The following EXTL3 variants were observed in gnomAD, a reference collection of about 807,000 sequenced individuals.
EXTL3 encodes exostosin like glycosyltransferase 3, also known as exostosin-like 3.
In EXTL3, 27 loss-of-function variants were observed where a neutral mutation model predicts 69.3. The ratio of observed to expected loss-of-function variants is 0.39; its 90% confidence interval spans 0.29 to 0.54. The LOEUF (loss-of-function observed/expected upper bound fraction) is 0.54. EXTL3 is among the 20% of genes least tolerant of loss of function. The probability of loss-of-function intolerance (pLI) is 0.69; values close to 1 mark genes in which losing one functional copy is unlikely to be tolerated. For missense variants in EXTL3, 1,003 were observed against 1,231.8 expected (o/e 0.81, Z 2.78); for synonymous variants, 511 against 499.4 (o/e 1.02, Z -0.31).
At chr8:28,704,060 T>G (rs924860624) in intron 1 of EXTL3, among the ~76,000 whole-genome samples, 2 of 152,354 alleles carry the variant, frequency 1.3e-5, no homozygotes, top group East Asian at 3.9e-4. Context: ...TGCACAGTCC[T>G]TTTAAATTTT....
At chr8:28,661,556 G>A (rs1807115932) in intron 1 of EXTL3, among the ~76,000 whole-genome samples, 2 of 151,900 alleles carry the variant, frequency 1.3e-5, no homozygotes, top group African/African-American at 4.8e-5. Flanking sequence ...GTATACATAT[G>A]TATTGATATT....
rs1359807596 is a variant in EXTL3, at chr8:28,716,918, C to T, written c.859C>T (p.Leu287Phe). ...NLSRKSDTQN[L>F]LYNVSTGRAM... ...GTCACGTAAGTCAGATACACAGAAC[C>T]TTCTCTATAACGTCAGTACTGGCCG... The change falls in exon 3 of 7, where the codon CTT becomes TTT. Residue 287 changes from leucine to phenylalanine, a missense_variant. Coordinates refer to ENST00000220562, the MANE Select transcript of EXTL3 (RefSeq NM_001440.4). The surrounding 1 kb of genome is among the most constrained non-coding windows in gnomAD (Gnocchi z 7.1). The T allele has an allele frequency of 1.2e-6, 2 of 1,614,220 alleles. No individual in the cohort carries two copies. Among genetic ancestry groups the T allele is most frequent in the Non-Finnish European group, 1.7e-6 (2 of 1,180,046 alleles).
intron 1 of EXTL3, chr8:28,637,338 C>T (rs543119313): frequency 9.2e-5 from 14 of 152,386 alleles, no homozygotes; most frequent in African/African-American, 3.4e-4. Context: ...ACCTCCCAGG[C>T]TCCCATCACT....
rs1040073259 is a variant in EXTL3 at position 28,725,954 on chromosome 8, GTT to G, written c.2149-5253_2149-5252del. On this transcript the variant is annotated intron_variant, in intron 3 of 6. Transcript: ENST00000220562. Reference sequence around the variant, plus strand: ...GATCTGTGAGTCTGCATTTAGAAGTGTTTTTTTTTTTTTTTTTCCGAGATGGA... The same window carrying G: ...GATCTGTGAGTCTGCATTTAGAAGTGTTTTTTTTTTTTTTTCCGAGATGGA... Among the ~76,000 whole-genome samples, 582 of 133,094 alleles carry G rather than the reference GTT, an allele frequency of 4.4e-3. 6 individuals are homozygous for G. The highest frequency in any genetic ancestry group is 0.015 in the African/African-American group (549 of 36,722). 87.3% of individuals were successfully genotyped at this position (133,094 alleles called of 152,430 possible). A position where few individuals can be genotyped will look rare whatever the true frequency, so the allele number is the denominator to read the frequency against.
At chr8:28,652,151 A>G (rs1806934048) in intron 1 of EXTL3, among the ~76,000 whole-genome samples, 1 of 151,988 alleles carries the variant, frequency 6.6e-6, no homozygotes, top group Admixed American at 6.6e-5. Flanking sequence ...CTCAATGAAC[A>G]TTGGTGTGCA....
intron 5 of EXTL3, chr8:28,742,240 ATTTAT>A (rs1417499054): frequency 1.3e-5 from 2 of 152,300 alleles, no homozygotes; most frequent in South Asian, 2.1e-4. Flanking sequence ...TATAATTTTA[ATTTAT>A]TTAATTTGAA....
At chr8:28,691,550 T>C (rs1203596383) in intron 1 of EXTL3, among the ~76,000 whole-genome samples, 1 of 149,692 alleles carries the variant, frequency 6.7e-6, no homozygotes, top group East Asian at 2.0e-4. Flanking sequence ...ACAGAGTTGG[T>C]AAATATTTAT....
chr8:28,720,976 C>A (rs1202322742), intron 3 of EXTL3, among the ~76,000 whole-genome samples: 1 of 152,204 alleles, frequency 6.6e-6, no homozygotes, highest in Non-Finnish European at 1.5e-5. Context: ...AAAGATGTTC[C>A]ACTGTTTCCA....
chr8:28,673,975 G>A (rs1267248704), intron 1 of EXTL3, among the ~76,000 whole-genome samples: 5 of 152,200 alleles, frequency 3.3e-5, no homozygotes, highest in South Asian at 2.1e-4. Flanking sequence ...AGTCCATAAC[G>A]TGAGCTGTTT....
At position 28,676,412 on chromosome 8, in the gene EXTL3, G is replaced by A. The variant is rs527508303; in HGVS notation, c.-52-37045G>A. On this transcript the variant is annotated intron_variant, in intron 1 of 6. Transcript: ENST00000523149. Reference sequence around the variant, plus strand: ...GTAGCTGGATCCCAGGGTGGCAGGCGCCAAGGGGGTGGCAAAGCTGTCACA... The same window carrying A: ...GTAGCTGGATCCCAGGGTGGCAGGCACCAAGGGGGTGGCAAAGCTGTCACA... Among the ~76,000 whole-genome samples the A allele has an allele frequency of 1.3e-3, 192 of 152,270 alleles. 1 individual carries two copies. The highest frequency in any genetic ancestry group is 3.8e-3 in the African/African-American group (157 of 41,544).
At chr8:28,745,861 G>T (rs1475644636) in intron 6 of EXTL3, among the ~76,000 whole-genome samples, 1 of 152,166 alleles carries the variant, frequency 6.6e-6, no homozygotes, top group East Asian at 1.9e-4. Context: ...TTCTTACCAA[G>T]TGAAAACTTC....
rs577528573 is a variant in EXTL3 at position 28,731,284 on chromosome 8, C to T, written c.2210C>T (p.Thr737Ile). 1 of 1,614,192 alleles carries T rather than the reference C, an allele frequency of 6.2e-7. No homozygotes were observed. Among genetic ancestry groups the T allele is most frequent in the South Asian group, 1.1e-5 (1 of 91,088 alleles). Residue 737 changes from threonine to isoleucine, a missense_variant, in exon 4 of 7, where the codon ACA becomes ATA. Coordinates refer to ENST00000220562, the MANE Select transcript of EXTL3 (RefSeq NM_001440.4). Reference sequence around the variant, plus strand: ...TTCTTACCCTGGAATGAAATTGAGACAGAGGCCATCCTGTCCATTGATGAC... The same window carrying T: ...TTCTTACCCTGGAATGAAATTGAGATAGAGGCCATCCTGTCCATTGATGAC... ...NRFLPWNEIE[T>I]EAILSIDDDA...
chr8:28,733,326 A>C (rs1375713474), intron 4 of EXTL3, among the ~76,000 whole-genome samples: 2 of 151,996 alleles, frequency 1.3e-5, no homozygotes, highest in Admixed American at 1.3e-4. Context: ...CATTTTCAAA[A>C]TTTATAGCCG....
rs767241080 is a variant in EXTL3 at position 28,743,122 on chromosome 8, G to A, written c.2458G>A (p.Ala820Thr). Residue 820 changes from alanine to threonine, a missense_variant, in exon 6 of 7, where the codon GCC becomes ACC. Around this residue, in one of 2 missense-constraint regions of EXTL3, gnomAD observed 261 missense variants for 416.4 expected, o/e 0.63. Coordinates refer to ENST00000220562, the MANE Select transcript of EXTL3 (RefSeq NM_001440.4). ...CCTGTATTCTTATGTGATGCCCCAGGCCATCCGGGACATGGTGGATGAATA... is the reference window on the plus strand; with the variant it reads ...CCTGTATTCTTATGTGATGCCCCAGACCATCCGGGACATGGTGGATGAATA... The part of the protein sequence containing the change: ...AYLYSYVMPQ[A>T]IRDMVDEYIN... 62 of 1,613,984 alleles carry A rather than the reference G, an allele frequency of 3.8e-5. No homozygotes were observed. The highest frequency in any genetic ancestry group is 5.0e-5 in the Non-Finnish European group (59 of 1,179,940).
upstream of EXTL3, among the ~76,000 whole-genome samples, chr8:28,619,812 C>T (rs568552441): frequency 5.8e-5 from 8 of 139,006 alleles, no homozygotes; most frequent in Non-Finnish European, 9.1e-5. Context: ...AGCTGTCATC[C>T]GTATCCGTAC....
intron 1 of EXTL3, among the ~76,000 whole-genome samples, chr8:28,676,482 C>T (rs1306651464): frequency 6.6e-6 from 1 of 152,110 alleles, no homozygotes; most frequent in East Asian, 1.9e-4. Context: ...TTAGGAGATA[C>T]TAAGTTGGTT....
intron 1 of EXTL3, among the ~76,000 whole-genome samples, chr8:28,672,404 C>G (rs1185232482): frequency 9.4e-6 from 1 of 106,048 alleles, no homozygotes; most frequent in Non-Finnish European, 1.7e-5. Flanking sequence ...GGCAACCGAG[C>G]GAGACTCCTT....
At chr8:28,646,097 A>G (rs1642552093) in intron 1 of EXTL3, among the ~76,000 whole-genome samples, 1 of 152,168 alleles carries the variant, frequency 6.6e-6, no homozygotes, top group African/African-American at 2.4e-5. Context: ...CCTGGGCTCA[A>G]GCGATCTACC....
intron 1 of EXTL3, among the ~76,000 whole-genome samples, chr8:28,669,229 T>G (rs1354616164): frequency 1.3e-5 from 2 of 152,212 alleles, no homozygotes; most frequent in African/African-American, 4.8e-5. Flanking sequence ...TTTCTTGGTC[T>G]TCTTCAATTC....
Sources: gnomAD v4.1 joint callset for allele counts (sites outside exome capture counted in the v4.1 genomes callset) on GRCh38, gnomAD v4.1.1 for gene constraint, gnomAD v4.1.1 regional missense constraint, Gnocchi (gnomAD v3.1) non-coding constraint, MANE v1.5 for transcripts, NCBI Gene and HGNC (gene_info 2026-07-23, HGNC 2026-07-21) for gene names.